BMAL1: variants seen among roughly 807,000 people sequenced by gnomAD.
BMAL1 encodes the protein basic helix-loop-helix ARNT like 1, also known as basic helix-loop-helix ARNT-like protein 1.
the BMAL1 span, chr11:13,277,617 G>T: frequency 6.6e-6 from 1 of 151,922 alleles, no homozygotes; most frequent in East Asian, 2.0e-4. Context: ...GGCTGGGGGC[G>T]GCCGCCGGGA....
the BMAL1 span, among the ~76,000 whole-genome samples, chr11:13,300,749 C>T: frequency 1.3e-5 from 2 of 152,072 alleles, no homozygotes; most frequent in Non-Finnish European, 2.9e-5. Context: ...TCTGGAAATG[C>T]CATTTAGTAG....
chr11:13,383,875 A>AG, the BMAL1 span, among the ~76,000 whole-genome samples: 1 of 152,018 alleles, frequency 6.6e-6, no homozygotes, highest in Non-Finnish European at 1.5e-5. Context: ...AAAGGAAGGA[A>AG]GGGAGTGAGG....
the BMAL1 span, among the ~76,000 whole-genome samples, chr11:13,366,978 A>G: frequency 2.0e-5 from 3 of 152,246 alleles, no homozygotes; most frequent in Admixed American, 2.0e-4. Context: ...AAAAAGAAGA[A>G]AAAAATCTCA....
At chr11:13,369,889 G>T in the BMAL1 span, 1 of 1,276,950 alleles carries the variant, frequency 7.8e-7, no homozygotes, top group Non-Finnish European at 1.1e-6. Context: ...TCCCAGGACT[G>T]CAGACAGGAC....
the BMAL1 span, chr11:13,278,030 C>G: frequency 2.0e-5 from 3 of 151,764 alleles, no homozygotes; most frequent in African/African-American, 7.3e-5. Context: ...CGGGGGCAAC[C>G]CGGCCGCCGA....
the BMAL1 span, among the ~76,000 whole-genome samples, chr11:13,279,064 G>A: frequency 6.6e-6 from 1 of 152,170 alleles, no homozygotes. Context: ...ACCCGCTGCC[G>A]CCGCGCACCC....
chr11:13,362,314 G>C, the BMAL1 span, among the ~76,000 whole-genome samples: 4 of 152,168 alleles, frequency 2.6e-5, no homozygotes, highest in African/African-American at 7.2e-5. Context: ...ATGAATTATT[G>C]TTAGGTCAGG....
the BMAL1 span, chr11:13,378,836 A>G: frequency 1.1e-4 from 23 of 205,492 alleles, no homozygotes; most frequent in Non-Finnish European, 1.8e-4. Flanking sequence ...ACAGGAATGC[A>G]GGAGTAGAGC....
At chr11:13,375,171 C>T in the BMAL1 span, among the ~76,000 whole-genome samples, 1 of 152,228 alleles carries the variant, frequency 6.6e-6, no homozygotes, top group African/African-American at 2.4e-5. Context: ...GGGCTCATTA[C>T]ATGTTACATG....
the BMAL1 span, among the ~76,000 whole-genome samples, chr11:13,298,268 A>C: frequency 6.6e-6 from 1 of 152,166 alleles, no homozygotes; most frequent in Non-Finnish European, 1.5e-5. Context: ...TTCTTCAAAC[A>C]CACCAGGCAT....
chr11:13,307,521 G>A, the BMAL1 span, among the ~76,000 whole-genome samples: 8 of 152,344 alleles, frequency 5.3e-5, no homozygotes, highest in South Asian at 1.7e-3. Context: ...GAGGCAAGGA[G>A]AAGGGGGTCT....
chr11:13,378,317 C>G, the BMAL1 span: 1 of 1,585,180 alleles, frequency 6.3e-7, no homozygotes, highest in Non-Finnish European at 8.6e-7. Flanking sequence ...CTTTCCTACT[C>G]TCAGATTCCT....
At chr11:13,377,409 C>T in the BMAL1 span, among the ~76,000 whole-genome samples, 1 of 152,180 alleles carries the variant, frequency 6.6e-6, no homozygotes, top group Non-Finnish European at 1.5e-5. Flanking sequence ...TTGTCTCTCC[C>T]CCATTATATC....
At chr11:13,377,633 A>G in the BMAL1 span, among the ~76,000 whole-genome samples, 68 of 151,884 alleles carry the variant, frequency 4.5e-4, no homozygotes, top group African/African-American at 1.5e-3. Context: ...GTCCTTTGGT[A>G]CTCCTCATTC....
the BMAL1 span, among the ~76,000 whole-genome samples, chr11:13,340,664 G>A: frequency 2.6e-5 from 4 of 152,034 alleles, no homozygotes; most frequent in Non-Finnish European, 4.4e-5. Flanking sequence ...GTTCCCAGGG[G>A]TCAATGTCCT....
At chr11:13,289,503 G>C in the BMAL1 span, among the ~76,000 whole-genome samples, 1 of 152,110 alleles carries the variant, frequency 6.6e-6, no homozygotes, top group Non-Finnish European at 1.5e-5. Context: ...ATTTACATTA[G>C]GTATATCTCC....
At chr11:13,320,086 T>C in the BMAL1 span, among the ~76,000 whole-genome samples, 2 of 152,220 alleles carry the variant, frequency 1.3e-5, no homozygotes, top group Admixed American at 6.5e-5. Context: ...TTTGAAACCT[T>C]AGCATTTGGG....
chr11:13,284,238 ATATATATATATATATATATATATATATAT>A, the BMAL1 span, among the ~76,000 whole-genome samples: 50 of 1,612 alleles, frequency 0.031, 5 homozygotes, highest in African/African-American at 0.036. Context: ...GTGTGTGTAT[ATATATATATATATATATATATATATATAT>A]TTTTTTTTTT....
chr11:13,368,437 G>A, the BMAL1 span, among the ~76,000 whole-genome samples: 37 of 152,348 alleles, frequency 2.4e-4, no homozygotes, highest in Middle Eastern at 3.4e-3. Flanking sequence ...CGTGCACGGA[G>A]GGGAAGGGCT....
Sources: allele counts gnomAD v4.1 joint callset (sites outside exome capture counted in the v4.1 genomes callset), GRCh38; gene constraint gnomAD v4.1.1; transcripts MANE v1.5; gene names NCBI Gene and HGNC (gene_info 2026-07-23, HGNC 2026-07-21).